MUC7: variants seen among roughly 807,000 people sequenced by gnomAD.
The protein encoded by MUC7 is mucin-7.
In MUC7, 2 loss-of-function variants were observed where a neutral mutation model predicts 2.5. The ratio of observed to expected loss-of-function variants is 0.81; its 90% CI spans 0.33 to 2.55. MUC7 has a LOEUF of 2.55. MUC7 is among the 30% of genes most tolerant of loss of function. The pLI, the probability that MUC7 is intolerant of heterozygous loss-of-function variation, is 0.11. For missense variants in MUC7, 408 were observed against 455.6 expected (o/e 0.90, Z 0.95); for synonymous variants, 133 against 173.4 (o/e 0.77, Z 1.83).
Position 70,482,964 on chromosome 4 carries a change from T to C in MUC7, c.*1086T>C, listed in dbSNP as rs1577919987. On this transcript the variant is annotated 3_prime_UTR_variant, in exon 3 of 3. Coordinates refer to ENST00000304887, the MANE Select transcript of MUC7 (RefSeq NM_152291.3). ...ACTCTGATGATTATGTTAGATTTTTTTGCTAACTAATAAAGATTTCAAATG... is the reference window on the plus strand; with the variant it reads ...ACTCTGATGATTATGTTAGATTTTTCTGCTAACTAATAAAGATTTCAAATG... The C allele has an allele frequency of 6.6e-6, 1 of 152,320 alleles. No homozygotes were observed. The highest frequency in any genetic ancestry group is 2.4e-5 in the African/African-American group (1 of 41,444). The allele number at this position is 152,320 out of a possible 1,614,324, so 9.4% of individuals were successfully genotyped here.
intron 1 of MUC7, among the ~76,000 whole-genome samples, chr4:70,459,497 G>A (rs542257110): frequency 6.6e-6 from 1 of 152,042 alleles, no homozygotes; most frequent in African/African-American, 2.4e-5. Context: ...TAGTTAATGG[G>A]TGCAGCACAC....
chr4:70,451,123 A>T (rs1324627751), intron 1 of MUC7, among the ~76,000 whole-genome samples: 2 of 152,160 alleles, frequency 1.3e-5, no homozygotes, highest in East Asian at 3.9e-4. Context: ...TCAAGTTCAG[A>T]CCACTAGGAC....
chr4:70,444,392 A>C (rs750695472), intron 1 of MUC7, among the ~76,000 whole-genome samples: 3 of 152,178 alleles, frequency 2.0e-5, no homozygotes, highest in Non-Finnish European at 4.4e-5. Context: ...AACACAAGTC[A>C]CTACTTCAGC....
At chr4:70,459,425 T>A (rs1431798471) in intron 1 of MUC7, among the ~76,000 whole-genome samples, 2 of 152,100 alleles carry the variant, frequency 1.3e-5, no homozygotes, top group East Asian at 3.9e-4. Context: ...CTCTGGGGAC[T>A]GTTGTGGGGT....
intron 1 of MUC7, among the ~76,000 whole-genome samples, chr4:70,432,322 C>T (rs1733694245): frequency 6.6e-6 from 1 of 152,244 alleles, no homozygotes; most frequent in Admixed American, 6.5e-5. Context: ...GGAATCACCA[C>T]ACTGTCTTCT....
intron 1 of MUC7, among the ~76,000 whole-genome samples, chr4:70,445,572 A>G (rs1734111255): frequency 6.6e-6 from 1 of 152,220 alleles, no homozygotes; most frequent in Non-Finnish European, 1.5e-5. Flanking sequence ...TGCTCAGCAC[A>G]GCACCTAGTC....
intron 1 of MUC7, among the ~76,000 whole-genome samples, chr4:70,444,071 G>A (rs767295822): frequency 8.6e-5 from 13 of 152,044 alleles, no homozygotes; most frequent in Non-Finnish European, 1.8e-4. Flanking sequence ...CTACAAGATC[G>A]ACTACAACCA....
chr4:70,481,901 T>C lies in MUC7; in HGVS notation c.*23T>C. On this transcript the variant is annotated 3_prime_UTR_variant, in exon 3 of 3. Transcript: ENST00000304887. ...TAGTATATTGTATGTTGTAAAGTGT[T>C]CTGTCATTTACAAGATGTGATTCAT... 6.2e-7 allele frequency: 1 copy of C among 1,600,542 alleles called. No individual in the cohort carries two copies. Among genetic ancestry groups the C allele is most frequent in the Non-Finnish European group, 8.5e-7 (1 of 1,173,050 alleles).
chr4:70,464,446 C>T (rs1221649153), intron 1 of MUC7, among the ~76,000 whole-genome samples: 5 of 152,098 alleles, frequency 3.3e-5, no homozygotes, highest in African/African-American at 4.8e-5. Flanking sequence ...ACCAAGTGGT[C>T]GAGCTCAGTG....
chr4:70,441,970 G>A (rs1734018328), intron 1 of MUC7, among the ~76,000 whole-genome samples: 1 of 152,126 alleles, frequency 6.6e-6, no homozygotes, highest in Admixed American at 6.5e-5. Flanking sequence ...TACAACTCTA[G>A]ACAGGAAGAT....
intron 1 of MUC7, among the ~76,000 whole-genome samples, chr4:70,454,648 T>G (rs4404617): frequency 0.81 from 122,822 of 152,132 alleles, 50,052 homozygotes; most frequent in Middle Eastern, 0.88. Flanking sequence ...TTTGGTTCTT[T>G]GGAAGGTCCT....
At chr4:70,457,055 A>G (rs1288626412) in intron 1 of MUC7, among the ~76,000 whole-genome samples, 1 of 152,210 alleles carries the variant, frequency 6.6e-6, no homozygotes, top group Non-Finnish European at 1.5e-5. Flanking sequence ...GACTGCAAAC[A>G]TGGTTGCCCT....
chr4:70,450,618 C>T (rs1734256836), intron 1 of MUC7, among the ~76,000 whole-genome samples: 1 of 152,202 alleles, frequency 6.6e-6, no homozygotes, highest in Non-Finnish European at 1.5e-5. Context: ...ACTTGGCTAT[C>T]ACTACTAGTT....
intron 1 of MUC7, among the ~76,000 whole-genome samples, chr4:70,466,053 A>G (rs754799446): frequency 2.6e-5 from 4 of 151,148 alleles, no homozygotes; most frequent in Non-Finnish European, 5.9e-5. Flanking sequence ...AGACTAGCAG[A>G]GGACCTCTCT....
chr4:70,433,890 A>G lies in MUC7; in HGVS notation c.-93+3203A>G, dbSNP rs144697048. On this transcript the variant is annotated intron_variant, in intron 1 of 3. Transcript: ENST00000413702. ...CATAAATAGCTCTTATTAATTTGAC[A>G]TATGTTCCATCAATACCTAGTTTAC... is the stretch of plus-strand genomic sequence containing the variant. Among the ~76,000 whole-genome samples, 149 of 152,332 alleles carry G rather than the reference A, an allele frequency of 9.8e-4. 3 individuals are homozygous for G. The East Asian group carries it at 0.016, about 17-fold the overall frequency.
intron 1 of MUC7, among the ~76,000 whole-genome samples, chr4:70,466,262 C>T (rs539492894): frequency 3.3e-5 from 5 of 152,196 alleles, no homozygotes; most frequent in Non-Finnish European, 5.9e-5. Context: ...GAAGGAAGCA[C>T]TAAACATGGA....
At chr4:70,457,262 G>A (rs1734437922) in intron 1 of MUC7, among the ~76,000 whole-genome samples, 1 of 152,160 alleles carries the variant, frequency 6.6e-6, no homozygotes, top group Non-Finnish European at 1.5e-5. Flanking sequence ...GTACAACATA[G>A]TGAGACACCC....
rs1331948299 is a variant in MUC7, at chr4:70,482,230, C to T, written c.*352C>T. The T allele has an allele frequency of 8.8e-6, 2 of 228,280 alleles. No homozygotes were observed. Among genetic ancestry groups the T allele is most frequent in the East Asian group, 1.1e-4 (1 of 9,474 alleles). The allele number at this position is 228,280 out of a possible 1,614,324, so 14.1% of individuals were successfully genotyped here. ...GAAACTACAAAACCACTACCTTGTACCCCCATCAAAATCCCACCTGAACCA... is the reference window on the plus strand; with the variant it reads ...GAAACTACAAAACCACTACCTTGTATCCCCATCAAAATCCCACCTGAACCA... On this transcript the variant is annotated 3_prime_UTR_variant, in exon 3 of 3. Transcript: ENST00000304887.
rs144124454 is a variant in MUC7, at chr4:70,455,380, A to G, written c.-92-16835A>G. Among the ~76,000 whole-genome samples, 222 of 152,276 alleles carry G rather than the reference A, an allele frequency of 1.5e-3. 1 individual carries two copies. In the South Asian group the frequency reaches 0.015, roughly 10 times the overall value. On this transcript the variant is annotated intron_variant, in intron 1 of 3. Coordinates refer to the MUC7 transcript ENST00000413702. ...TCTGATCTCATATAAAACTGTTCTT[A>G]TATGCCATATATCAAGCTAGAATGT... is the stretch of plus-strand genomic sequence containing the variant.
Sources: allele counts gnomAD v4.1 joint callset (sites outside exome capture counted in the v4.1 genomes callset), GRCh38; gene constraint gnomAD v4.1.1; transcripts MANE v1.5; gene names NCBI Gene and HGNC (gene_info 2026-07-23, HGNC 2026-07-21).